The following AKNA variants were observed in gnomAD, a reference collection of about 807,000 sequenced individuals.
AKNA encodes the protein microtubule organization protein AKNA.
Under a neutral mutation model 138.8 loss-of-function variants are expected in AKNA, and 67 were observed. That is an observed-to-expected ratio of 0.48 (90% CI 0.40 to 0.59). AKNA has a LOEUF of 0.59. Among genes scored for constraint, AKNA ranks in the 20% least tolerant of loss-of-function variants. AKNA has a pLI of 0.00. For missense variants in AKNA, 1,813 were observed against 1,880.4 expected (o/e 0.96, Z 0.66); for synonymous variants, 737 against 754.4 (o/e 0.98, Z 0.38).
At chr9:114,369,540 A>G (rs1374535331) in intron 4 of AKNA, among the ~76,000 whole-genome samples, 4 of 152,230 alleles carry the variant, frequency 2.6e-5, no homozygotes, top group South Asian at 2.1e-4. Context: ...ACCACAGCAC[A>G]CCTCTGAGTC....
At chr9:114,367,919 G>C (rs541971483) in intron 5 of AKNA, among the ~76,000 whole-genome samples, 1 of 152,362 alleles carries the variant, frequency 6.6e-6, no homozygotes, top group African/African-American at 2.4e-5. Flanking sequence ...TGGTTGGCTG[G>C]AGCAGAGCTA....
Position 114,341,854 on chromosome 9 carries a change from G to A in AKNA, c.3875-129C>T, listed in dbSNP as rs558876142. 47 of 1,313,470 alleles carry A rather than the reference G, an allele frequency of 3.6e-5. No individual in the cohort carries two copies. In the South Asian group the frequency reaches 3.9e-4, roughly 11 times the overall value. The allele number at this position is 1,313,470 out of a possible 1,614,324, so 81.4% of individuals were successfully genotyped here. On this transcript the variant is annotated intron_variant, in intron 20 of 21. Transcript: ENST00000374088. Reference sequence around the variant, plus strand: ...GCCCTACCCTGTGAGACTCCATGTCGGGGAGGTCTCTCTTTGGGGAACAAA... The same window carrying A: ...GCCCTACCCTGTGAGACTCCATGTCAGGGAGGTCTCTCTTTGGGGAACAAA...
upstream of AKNA, among the ~76,000 whole-genome samples, chr9:114,394,698 G>A (rs1043111760): frequency 6.6e-6 from 1 of 152,200 alleles, no homozygotes; most frequent in African/African-American, 2.4e-5. Context: ...ATGAAGAAAG[G>A]TTCAGAGAGG....
intron 21 of AKNA, among the ~76,000 whole-genome samples, chr9:114,337,955 G>A (rs115350392): frequency 2.1e-3 from 327 of 152,280 alleles, no homozygotes; most frequent in African/African-American, 7.7e-3. Flanking sequence ...GATGAAGCAC[G>A]GATTTCCCTA....
intron 1 of AKNA, among the ~76,000 whole-genome samples, chr9:114,382,427 C>T (rs749506783): frequency 9.2e-5 from 14 of 151,584 alleles, no homozygotes; most frequent in African/African-American, 1.2e-4. Flanking sequence ...CTTGTCTCTA[C>T]GAAAAATTAG....
chr9:114,356,160 C>T (rs768550938), intron 13 of AKNA, 24 bp from the exon 14 acceptor site: 2 of 1,601,790 alleles, frequency 1.2e-6, no homozygotes, highest in Admixed American at 1.7e-5. Context: ...GAGGAAGGGA[C>T]ACACAGGGGT....
intron 1 of AKNA, 138 bp downstream of exon 1, chr9:114,387,722 A>G: frequency 4.6e-6 from 1 of 215,722 alleles, no homozygotes; most frequent in South Asian, 4.5e-5. Flanking sequence ...CTAAGCCAAG[A>G]GAAAAGCGGT....
rs1470833121 is a variant in AKNA, at chr9:114,361,758, C to T, written c.2070G>A (p.Leu690=). ...TGGGGGCTTGTCCAGAAGGAGCAGGCAGGTGCGTTGGCTGATGGAGGCAGG... is the reference window on the plus strand; with the variant it reads ...TGGGGGCTTGTCCAGAAGGAGCAGGTAGGTGCGTTGGCTGATGGAGGCAGG... ...ALPCLHQPTH[L]PAPSGQAPMP... Residue 690 remains leucine (L), a synonymous_variant, in exon 9 of 22, where the codon CTG becomes CTA. Coordinates refer to ENST00000374088, the MANE Select transcript of AKNA (RefSeq NM_001317950.2). 6.2e-7 allele frequency: 1 copy of T among 1,613,700 alleles called. No individual in the cohort carries two copies. Among genetic ancestry groups the T allele is most frequent in the Middle Eastern group, 1.7e-4 (1 of 5,730 alleles).
intron 3 of AKNA, chr9:114,375,921 G>A: frequency 2.2e-6 from 1 of 453,082 alleles, no homozygotes; most frequent in Non-Finnish European, 4.4e-6. Flanking sequence ...CCACCAGCAG[G>A]GAGTTCCTGG....
Position 114,381,086 on chromosome 9 carries a change from G to C in AKNA, c.248C>G (p.Ser83Cys), listed in dbSNP as rs895100769. ...PHPQPDGHQD[S>C]ESGETSGEEA... ...TTCTCCCGAAGTCTCTCCTGACTCG[G>C]AATCCTGATGCCCATCGGGCTGCGG... The change falls in exon 2 of 22, where the codon TCC becomes TGC. Residue 83 changes from serine to cysteine, a missense_variant. Coordinates refer to ENST00000374088, the MANE Select transcript of AKNA (RefSeq NM_001317950.2). The C allele has an allele frequency of 6.3e-7, 1 of 1,582,388 alleles. No homozygotes were observed. Among genetic ancestry groups the C allele is most frequent in the Admixed American group, 1.7e-5 (1 of 57,356 alleles).
Position 114,335,233 on chromosome 9 carries a change from A to C in AKNA, c.*1821T>G, listed in dbSNP as rs1829942553. The C allele has an allele frequency of 6.6e-6, 1 of 152,202 alleles. No homozygotes were observed. The highest frequency in any genetic ancestry group is 1.5e-5 in the Non-Finnish European group (1 of 68,040). 9.4% of individuals were successfully genotyped at this position (152,202 alleles called of 1,614,324 possible). On this transcript the variant is annotated 3_prime_UTR_variant, in exon 22 of 22. Coordinates refer to ENST00000374088, the MANE Select transcript of AKNA (RefSeq NM_001317950.2). ...AATCATGGAGGTAGAGGAAGCAAAAAACACACATAACAAAGAATGTGGACT... is the reference window on the plus strand; with the variant it reads ...AATCATGGAGGTAGAGGAAGCAAAACACACACATAACAAAGAATGTGGACT...
At chr9:114,360,889 T>C (rs927392847) in intron 9 of AKNA, among the ~76,000 whole-genome samples, 6 of 152,196 alleles carry the variant, frequency 3.9e-5, no homozygotes, top group African/African-American at 1.4e-4. Flanking sequence ...CCCTTTTGTG[T>C]AGGGCTCTTG....
upstream of AKNA, among the ~76,000 whole-genome samples, chr9:114,395,589 A>T: frequency 6.6e-6 from 1 of 151,934 alleles, no homozygotes. Context: ...TTCTTCCCAA[A>T]TCGCATACTT....
At chr9:114,369,829 C>A (rs1832636811) in intron 4 of AKNA, among the ~76,000 whole-genome samples, 1 of 152,172 alleles carries the variant, frequency 6.6e-6, no homozygotes, top group African/African-American at 2.4e-5. Flanking sequence ...TTATCACCAA[C>A]ACCATCACTA....
intron 20 of AKNA, 50 bp downstream of exon 20, chr9:114,341,959 C>G (rs1439802440): frequency 3.9e-6 from 6 of 1,546,656 alleles, no homozygotes; most frequent in Non-Finnish European, 5.4e-6. Flanking sequence ...TAACCCTGGT[C>G]AAGGAGAGCT....
At chr9:114,347,641 T>A in intron 16 of AKNA, 83 bp downstream of exon 16, 1 of 1,378,522 alleles carries the variant, frequency 7.3e-7, no homozygotes, top group Non-Finnish European at 9.6e-7. Flanking sequence ...TGAGTCCATA[T>A]GTCTGGGGAG....
chr9:114,337,012 T>TTGGGGGGGGGGGGGGGCGC lies in AKNA; in HGVS notation c.*41_*42insGCGCCCCCCCCCCCCCCCA. The TTGGGGGGGGGGGGGGGCGC allele has an allele frequency of 8.3e-7, 1 of 1,208,224 alleles. No individual in the cohort carries two copies. The highest frequency in any genetic ancestry group is 1.1e-6 in the Non-Finnish European group (1 of 929,350). The allele number at this position is 1,208,224 out of a possible 1,614,324, so 74.8% of individuals were successfully genotyped here. On this transcript the variant is annotated 3_prime_UTR_variant, in exon 22 of 22. Transcript: ENST00000374088. Reference sequence around the variant, plus strand: ...CCCACTCCTGGCCTGGCAGGCCACCTGCCCACCCACCCACCCATCTGCCTC... The same window carrying TTGGGGGGGGGGGGGGGCGC: ...CCCACTCCTGGCCTGGCAGGCCACCTTGGGGGGGGGGGGGGGCGCGCCCACCCACCCACCCATCTGCCTC...
At chr9:114,351,731 T>A (rs1472677796) in intron 14 of AKNA, among the ~76,000 whole-genome samples, 1 of 151,926 alleles carries the variant, frequency 6.6e-6, no homozygotes, top group Non-Finnish European at 1.5e-5. Context: ...CTTGGGAGGC[T>A]GAAGCAGGAG....
chr9:114,379,538 GA>G (rs777336421), intron 2 of AKNA, among the ~76,000 whole-genome samples: 1 of 152,182 alleles, frequency 6.6e-6, no homozygotes, highest in Non-Finnish European at 1.5e-5. Flanking sequence ...TCAGGTGTGT[GA>G]AACTTTGAGT....
Sources: allele counts gnomAD v4.1 joint callset (sites outside exome capture counted in the v4.1 genomes callset), GRCh38; gene constraint gnomAD v4.1.1; transcripts MANE v1.5; gene names NCBI Gene and HGNC (gene_info 2026-07-23, HGNC 2026-07-21).